MAP3K5: variants seen among roughly 807,000 people sequenced by gnomAD.
The protein encoded by MAP3K5 is mitogen-activated protein kinase kinase kinase 5.
A neutral mutation model predicts 158.7 loss-of-function variants in MAP3K5; 56 were observed. The observed-to-expected ratio is 0.35, with a 90% confidence interval of 0.28 to 0.44. The LOEUF (loss-of-function observed/expected upper bound fraction) is 0.44. Ranked by LOEUF, MAP3K5 falls within the 20% of genes least tolerant of loss-of-function variation. MAP3K5 has a pLI of 1.00. For synonymous variants in MAP3K5, 579 were observed against 601.7 expected, an observed-to-expected ratio of 0.96 and a Z score of 0.55; for missense variants, 1,294 against 1,674.8, an observed-to-expected ratio of 0.77 and a Z score of 3.97.
At chr6:136,744,937 C>T (rs756438726) in intron 1 of MAP3K5, among the ~76,000 whole-genome samples, 3 of 152,238 alleles carry the variant, frequency 2.0e-5, no homozygotes, top group East Asian at 3.9e-4. Flanking sequence ...TCAACCATGC[C>T]GCAGAGCACC....
intron 2 of MAP3K5, among the ~76,000 whole-genome samples, chr6:136,719,742 T>C (rs568626746): frequency 5.9e-5 from 9 of 152,298 alleles, no homozygotes; most frequent in African/African-American, 2.2e-4. Context: ...AAAAGCCACA[T>C]GAAGCTAGCT....
At chr6:136,595,936 G>A (rs1466459911) in intron 21 of MAP3K5, among the ~76,000 whole-genome samples, 40 of 152,126 alleles carry the variant, frequency 2.6e-4, no homozygotes, top group Admixed American at 2.6e-3. Context: ...CTTGAACCCA[G>A]GAGGCGGAAG....
At chr6:136,682,029 A>G (rs1460825775) in intron 7 of MAP3K5, among the ~76,000 whole-genome samples, 1 of 152,228 alleles carries the variant, frequency 6.6e-6, no homozygotes, top group Non-Finnish European at 1.5e-5. Flanking sequence ...AAAGCATGAG[A>G]CCAATGTTCC....
intron 19 of MAP3K5, among the ~76,000 whole-genome samples, chr6:136,604,048 C>T (rs116067553): frequency 0.012 from 1,900 of 152,268 alleles, 46 homozygotes; most frequent in African/African-American, 0.043. Context: ...TCAGGCCAAA[C>T]GCGTGGCTCA....
chr6:136,592,379 T>C, intron 22 of MAP3K5, 38 bp from the exon 23 acceptor site: 1 of 1,596,406 alleles, frequency 6.3e-7, no homozygotes, highest in Non-Finnish European at 8.5e-7. Context: ...CAGTTCCCTT[T>C]ATAAAATGAC....
intron 8 of MAP3K5, among the ~76,000 whole-genome samples, chr6:136,667,712 G>A (rs781384681): frequency 3.3e-5 from 5 of 151,526 alleles, no homozygotes; most frequent in Admixed American, 6.6e-5. Context: ...TTATCCGGGT[G>A]TGGTGGTATA....
intron 21 of MAP3K5, among the ~76,000 whole-genome samples, chr6:136,595,983 C>T (rs1395105537): frequency 2.0e-5 from 3 of 152,020 alleles, no homozygotes; most frequent in Non-Finnish European, 2.9e-5. Context: ...GCACTCCAGC[C>T]GCCAGCAAGA....
At chr6:136,650,065 C>G (rs535338677) in intron 11 of MAP3K5, among the ~76,000 whole-genome samples, 1 of 152,236 alleles carries the variant, frequency 6.6e-6, no homozygotes, top group African/African-American at 2.4e-5. Flanking sequence ...CTTTATTGCC[C>G]TATCTGAGTG....
At chr6:136,713,172 C>T (rs1781383328) in intron 2 of MAP3K5, among the ~76,000 whole-genome samples, 1 of 152,262 alleles carries the variant, frequency 6.6e-6, no homozygotes, top group African/African-American at 2.4e-5. Context: ...AGGCTTGCCC[C>T]ACTCCTTCCT....
chr6:136,623,360 A>G (rs2129096617), intron 14 of MAP3K5, among the ~76,000 whole-genome samples: 1 of 152,328 alleles, frequency 6.6e-6, no homozygotes, highest in South Asian at 2.1e-4. Flanking sequence ...TCCTTTTGTT[A>G]TTCAGCTTTT....
At chr6:136,585,464 T>TTTTCTTTTCTTTCTTTCTTTCTTTC (rs1438720105) in intron 23 of MAP3K5, among the ~76,000 whole-genome samples, 2 of 144,374 alleles carry the variant, frequency 1.4e-5, no homozygotes, top group African/African-American at 5.2e-5. Flanking sequence ...GCTTCCTTTC[T>TTTTCTTTTCTTTCTTTCTTTCTTTC]TTTCTTTTCT....
chr6:136,750,928 A>G (rs1235485940), intron 1 of MAP3K5, among the ~76,000 whole-genome samples: 1 of 152,210 alleles, frequency 6.6e-6, no homozygotes, highest in East Asian at 1.9e-4. Context: ...TTTTTCTGAA[A>G]TAACTTTTCA....
intron 1 of MAP3K5, among the ~76,000 whole-genome samples, chr6:136,777,780 G>C (rs1784456083): frequency 6.8e-6 from 1 of 147,162 alleles, no homozygotes; most frequent in Admixed American, 7.0e-5. Context: ...AAGGAACCTG[G>C]TTTGTTTATT....
intron 14 of MAP3K5, chr6:136,636,810 G>C (rs1476200953): frequency 1.0e-6 from 1 of 979,390 alleles, no homozygotes; most frequent in Admixed American, 6.2e-5. Context: ...TATAAAAGTA[G>C]GTATCCATAG....
intron 25 of MAP3K5, among the ~76,000 whole-genome samples, chr6:136,572,658 TTTAAA>T (rs1452455759): frequency 7.9e-5 from 12 of 152,378 alleles, no homozygotes; most frequent in African/African-American, 2.9e-4. Flanking sequence ...TTCTGTAAAC[TTTAAA>T]TTATCATTTT....
intron 1 of MAP3K5, among the ~76,000 whole-genome samples, chr6:136,738,909 G>A (rs908158717): frequency 4.0e-5 from 6 of 149,446 alleles, no homozygotes; most frequent in Admixed American, 1.3e-4. Flanking sequence ...AAGGTCCAAG[G>A]GATACAAAAG....
chr6:136,571,337 G>C (rs73554188), intron 25 of MAP3K5, among the ~76,000 whole-genome samples: 98 of 152,256 alleles, frequency 6.4e-4, no homozygotes, highest in African/African-American at 2.3e-3. Context: ...GAGTGAAAGG[G>C]ATGTAGCACT....
At chr6:136,731,242 T>A (rs574353967) in intron 1 of MAP3K5, among the ~76,000 whole-genome samples, 1 of 152,330 alleles carries the variant, frequency 6.6e-6, no homozygotes, top group African/African-American at 2.4e-5. Context: ...AACTCATTTC[T>A]AACCGATCAT....
chr6:136,718,898 A>G (rs1781636478), intron 2 of MAP3K5, among the ~76,000 whole-genome samples: 1 of 152,214 alleles, frequency 6.6e-6, no homozygotes, highest in Non-Finnish European at 1.5e-5. Context: ...TAGGTGATCT[A>G]GGTGTGGCAG....
Sources: allele counts gnomAD v4.1 joint callset (sites outside exome capture counted in the v4.1 genomes callset), GRCh38; gene constraint gnomAD v4.1.1; transcripts MANE v1.5; gene names NCBI Gene and HGNC (gene_info 2026-07-23, HGNC 2026-07-21).